The following CDH1 variants were observed in gnomAD, a reference collection of about 807,000 sequenced individuals.
The protein encoded by CDH1 is cadherin 1.
In CDH1, 35 loss-of-function variants were observed where a neutral mutation model predicts 84.5. The observed-to-expected ratio is 0.41, with a 90% confidence interval of 0.32 to 0.55. The LOEUF is 0.55. Among genes scored for constraint, CDH1 ranks in the 20% least tolerant of loss-of-function variants. The pLI is 0.19. For synonymous variants in CDH1, 417 were observed against 439.0 expected (o/e 0.95, Z 0.63); for missense variants, 994 against 1,126.6 (o/e 0.88, Z 1.68).
rs761400928 is a variant in CDH1 at position 68,833,380 on chromosome 16, A to G, written c.2530A>G (p.Ser844Gly). The change falls in exon 16 of 16, where the codon AGT (serine) becomes GGT (glycine). Residue 844 changes from serine (S) to glycine (G), a missense_variant. Transcript: ENST00000261769. ...DYEGSGSEAA[S>G]LSSLNSSESD... is the part of the protein sequence containing the mutation. ...TGAAGGAAGCGGTTCCGAAGCTGCT[A>G]GTCTGAGCTCCCTGAACTCCTCAGA... 2 of 1,614,202 alleles carry G rather than the reference A, an allele frequency of 1.2e-6. No homozygotes were observed. Among genetic ancestry groups the G allele is most frequent in the East Asian group, 2.2e-5 (1 of 44,884 alleles).
Position 68,777,677 on chromosome 16 carries a change from T to C in CDH1, c.164-23993T>C, listed in dbSNP as rs1959771770. Reference sequence around the variant, plus strand: ...TCCCATCTCAGCCTCCTGAGTGGCTTGACTATAGGCATGCACCACCACACC... The same window carrying C: ...TCCCATCTCAGCCTCCTGAGTGGCTCGACTATAGGCATGCACCACCACACC... On this transcript the variant is annotated intron_variant, in intron 2 of 15. Coordinates refer to ENST00000261769, the MANE Select transcript of CDH1 (RefSeq NM_004360.5). Among the ~76,000 whole-genome samples the C allele has an allele frequency of 2.6e-5, 4 of 151,802 alleles. No homozygotes were observed. The South Asian group carries it at 8.3e-4, about 32-fold the overall frequency.
At chr16:68,772,435 A>G (rs1487339536) in intron 2 of CDH1, among the ~76,000 whole-genome samples, 3 of 152,182 alleles carry the variant, frequency 2.0e-5, no homozygotes, top group Admixed American at 6.5e-5. Flanking sequence ...AATTCAATAA[A>G]TGTTCACTGG....
rs2152142447 is a variant in CDH1 at position 68,829,776 on chromosome 16, A to G, written c.2418A>G (p.Glu806=). The G allele has an allele frequency of 6.2e-7, 1 of 1,614,014 alleles. No homozygotes were observed. Among genetic ancestry groups the G allele is most frequent in the Non-Finnish European group, 8.5e-7 (1 of 1,180,012 alleles). ...TTCCCCGCCCTGCCAATCCCGATGA[A>G]ATTGGAAATTTTATTGATGAAGTAA... ...RYLPRPANPD[E]IGNFIDENLK... The change falls in exon 15 of 16, where the codon GAA becomes GAG. Residue 806 remains glutamate, a synonymous_variant. Coordinates refer to ENST00000261769, the MANE Select transcript of CDH1 (RefSeq NM_004360.5).
intron 2 of CDH1, among the ~76,000 whole-genome samples, chr16:68,742,823 T>C (rs1326801711): frequency 3.3e-5 from 5 of 152,232 alleles, no homozygotes; most frequent in Non-Finnish European, 7.3e-5. Context: ...AAACCAGCTT[T>C]GGGATCACCT....
rs1278686213 is a variant in CDH1, at chr16:68,833,917, T to A, written c.*418T>A. ...TGTGTATATAATTTTTTAAAAAAAATTTGTGTGCTTCTGCTCATTACTACA... is the reference window on the plus strand; with the variant it reads ...TGTGTATATAATTTTTTAAAAAAAAATTGTGTGCTTCTGCTCATTACTACA... On this transcript the variant is annotated 3_prime_UTR_variant, in exon 16 of 16. Transcript: ENST00000261769. 7 of 336,288 alleles carry A rather than the reference T, an allele frequency of 2.1e-5. No individual in the cohort carries two copies. The highest frequency in any genetic ancestry group is 6.4e-5 in the African/African-American group (3 of 47,074). The allele number at this position is 336,288 out of a possible 1,614,324, so 20.8% of individuals were successfully genotyped here. A position where few individuals can be genotyped will look rare whatever the true frequency, so the allele number is the denominator to read the frequency against.
chr16:68,811,408 A>G (rs889700510), intron 6 of CDH1, among the ~76,000 whole-genome samples: 1 of 151,860 alleles, frequency 6.6e-6, no homozygotes, highest in African/African-American at 2.4e-5. Context: ...AAAAAAAAAA[A>G]AAAAAAAAAG....
At chr16:68,819,189 T>C (rs1961068550) in intron 10 of CDH1, 91 bp from the exon 11 acceptor site, 2 of 1,435,954 alleles carry the variant, frequency 1.4e-6, no homozygotes, top group African/African-American at 2.8e-5. Context: ...ACGTTGGAAG[T>C]AACCATATAA....
intron 2 of CDH1, among the ~76,000 whole-genome samples, chr16:68,750,150 C>CTTTTTTTTTTTTTTTTTTTTTTTTTTTG (rs34551002): frequency 1.3e-5 from 1 of 79,096 alleles, no homozygotes; most frequent in African/African-American, 4.2e-5. Flanking sequence ...TAGAATTCAG[C>CTTTTTTTTTTTTTTTTTTTTTTTTTTTG]TTTTTTTTTT....
In CDH1 at chr16:68,811,709, C is replaced by A. The variant is rs876660354; in HGVS notation, c.858C>A (p.Ala286=). The change falls in exon 7 of 16, where the codon GCC becomes GCA. Residue 286 remains alanine (A), a synonymous_variant. Transcript: ENST00000261769. ...GAACCTCTGTGATGGAGGTCACAGCCACAGACGCGGACGATGATGTGAACA... is the reference window on the plus strand; with the variant it reads ...GAACCTCTGTGATGGAGGTCACAGCAACAGACGCGGACGATGATGTGAACA... ...LPGTSVMEVT[A]TDADDDVNTY... 33 of 1,613,942 alleles carry A rather than the reference C, an allele frequency of 2.0e-5. 1 individual carries two copies. The highest frequency in any genetic ancestry group is 2.7e-5 in the Non-Finnish European group (32 of 1,180,020).
intron 2 of CDH1, among the ~76,000 whole-genome samples, chr16:68,766,514 C>T (rs965186914): frequency 1.3e-5 from 2 of 152,074 alleles, no homozygotes; most frequent in Admixed American, 1.3e-4. Context: ...TTAGTAGAAC[C>T]TACTTCATAA....
intron 15 of CDH1, among the ~76,000 whole-genome samples, chr16:68,830,792 GTCT>G (rs1024283222): frequency 9.9e-5 from 15 of 152,248 alleles, no homozygotes; most frequent in African/African-American, 3.4e-4. Context: ...CTAGCAAACT[GTCT>G]TCTTATTCAA....
rs370864592 is a variant in CDH1, at chr16:68,815,603, C to T, written c.1409C>T (p.Thr470Ile). The T allele has an allele frequency of 4.5e-5, 73 of 1,614,132 alleles. No individual in the cohort carries two copies. The highest frequency in any genetic ancestry group is 2.9e-4 in the East Asian group (13 of 44,900). ...VPFEVSLTTS[T>I]ATVTVDVLDV... ...TTTGAGGTCTCTCTCACCACCTCCACAGCCACCGTCACCGTGGATGTGCTG... is the reference window on the plus strand; with the variant it reads ...TTTGAGGTCTCTCTCACCACCTCCATAGCCACCGTCACCGTGGATGTGCTG... Residue 470 changes from threonine to isoleucine, a missense_variant, in exon 10 of 16, where the codon ACA becomes ATA. By Grantham distance (89) the Thr-to-Ile change is moderately conservative. Coordinates refer to ENST00000261769, the MANE Select transcript of CDH1 (RefSeq NM_004360.5).
chr16:68,816,966 A>G (rs1305648968), intron 10 of CDH1, among the ~76,000 whole-genome samples: 1 of 152,194 alleles, frequency 6.6e-6, no homozygotes, highest in African/African-American at 2.4e-5. Context: ...GAAAGCTTGC[A>G]GTAGTGAAAT....
At chr16:68,821,521 A>G (rs561269890) in intron 11 of CDH1, among the ~76,000 whole-genome samples, 27 of 151,730 alleles carry the variant, frequency 1.8e-4, no homozygotes, top group Non-Finnish European at 2.9e-4. Context: ...TTGAAAACCA[A>G]TTTGCAGAGA....
Position 68,834,377 on chromosome 16 carries a change from C to T in CDH1, c.*878C>T. On this transcript the variant is annotated 3_prime_UTR_variant, in exon 16 of 16. Coordinates refer to ENST00000261769, the MANE Select transcript of CDH1 (RefSeq NM_004360.5). ...TCTGGGGCTCAAGCAGTTCTCCCAC[C>T]AGCCTCCTTTTTATTTTTTTGTACA... The T allele has an allele frequency of 4.6e-6, 2 of 430,614 alleles. No individual in the cohort carries two copies. The highest frequency in any genetic ancestry group is 4.0e-5 in the South Asian group (2 of 49,700). The allele number at this position is 430,614 out of a possible 1,614,324, so 26.7% of individuals were successfully genotyped here.
At chr16:68,799,429 G>C (rs763619949) in intron 2 of CDH1, among the ~76,000 whole-genome samples, 1 of 152,156 alleles carries the variant, frequency 6.6e-6, no homozygotes, top group African/African-American at 2.4e-5. Flanking sequence ...TCCTGGTTTC[G>C]TTGCTCAGTT....
chr16:68,791,610 T>TG (rs1302385451), intron 2 of CDH1, among the ~76,000 whole-genome samples: 2 of 152,018 alleles, frequency 1.3e-5, no homozygotes, highest in Non-Finnish European at 2.9e-5. Context: ...TTTGTAGAGT[T>TG]GGGGTCTTGC....
At chr16:68,831,755 T>C (rs1443086642) in intron 15 of CDH1, among the ~76,000 whole-genome samples, 1 of 151,792 alleles carries the variant, frequency 6.6e-6, no homozygotes, top group Non-Finnish European at 1.5e-5. Context: ...GCTAGTCTGG[T>C]CTCAAACTCC....
At position 68,822,028 on chromosome 16, in the gene CDH1, C is replaced by T. The variant is rs1961157345; in HGVS notation, c.1739C>T (p.Thr580Ile). ...NGSPVATGTG[T>I]LLLILSDVND... Reference sequence around the variant, plus strand: ...TCTCCAGTTGCTACTGGAACAGGGACACTTCTGCTGATCCTGTCTGATGTG... The same window carrying T: ...TCTCCAGTTGCTACTGGAACAGGGATACTTCTGCTGATCCTGTCTGATGTG... Residue 580 changes from threonine to isoleucine, a missense_variant, in exon 12 of 16, where the codon ACA becomes ATA. By Grantham distance (89) the Thr-to-Ile change is moderately conservative (BLOSUM62 -1). Transcript: ENST00000261769. The T allele has an allele frequency of 6.2e-7, 1 of 1,614,140 alleles. No homozygotes were observed. The highest frequency in any genetic ancestry group is 8.5e-7 in the Non-Finnish European group (1 of 1,179,996).
Sources: allele counts gnomAD v4.1 joint callset (sites outside exome capture counted in the v4.1 genomes callset), GRCh38; gene constraint gnomAD v4.1.1; transcripts MANE v1.5; gene names NCBI Gene and HGNC (gene_info 2026-07-23, HGNC 2026-07-21).